The following SYNE1 variants were observed in gnomAD, a reference collection of about 807,000 sequenced individuals.
SYNE1 encodes nesprin-1.
Under a neutral mutation model 1,111.0 loss-of-function variants are expected in SYNE1, and 616 were observed. That is an observed-to-expected ratio of 0.55 (90% CI 0.52 to 0.59). The LOEUF (loss-of-function observed/expected upper bound fraction) is 0.59, where lower values mean the gene tolerates loss of function less well. Among genes scored for constraint, SYNE1 ranks in the 20% least tolerant of loss-of-function variants. The pLI is 0.00. For synonymous variants in SYNE1, 3,855 were observed against 3,825.8 expected, an observed-to-expected ratio of 1.01 and a Z score of -0.28; for missense variants, 10,006 against 10,417.0, an observed-to-expected ratio of 0.96 and a Z score of 1.72.
intron 50 of SYNE1, 145 bp downstream of exon 50, chr6:152,396,630 T>G (rs1452836119): frequency 2.4e-6 from 2 of 834,054 alleles, no homozygotes; most frequent in East Asian, 5.2e-5. Context: ...ATTGCCCTAG[T>G]ATCACCTGTA....
chr6:152,192,176 T>A (rs531666054), intron 127 of SYNE1, among the ~76,000 whole-genome samples: 26 of 152,368 alleles, frequency 1.7e-4, no homozygotes, highest in Admixed American at 4.6e-4. Context: ...ATATAGTCTA[T>A]CCTTGAGAAT....
At chr6:152,444,794 G>A (rs921433654) in intron 29 of SYNE1, among the ~76,000 whole-genome samples, 2 of 151,908 alleles carry the variant, frequency 1.3e-5, no homozygotes, top group Admixed American at 1.3e-4. Context: ...GTCCACTCTC[G>A]TAGCAAGTTT....
At chr6:152,623,788 A>G (rs996041551) in intron 3 of SYNE1, among the ~76,000 whole-genome samples, 1 of 152,136 alleles carries the variant, frequency 6.6e-6, no homozygotes, top group African/African-American at 2.4e-5. Flanking sequence ...GGCATTATAA[A>G]AACATTTCAA....
chr6:152,611,016 A>G (rs745366639), intron 3 of SYNE1, among the ~76,000 whole-genome samples: 2 of 152,336 alleles, frequency 1.3e-5, no homozygotes, highest in Non-Finnish European at 2.9e-5. Context: ...GGAAAGAAAC[A>G]ATCGCTACCA....
chr6:152,162,575 G>A (rs758678132), intron 131 of SYNE1, among the ~76,000 whole-genome samples: 7 of 152,130 alleles, frequency 4.6e-5, no homozygotes, highest in Admixed American at 3.3e-4. Flanking sequence ...CTGGGAAGCC[G>A]GATGCCAACC....
At chr6:152,285,042 A>C (rs1400292683) in intron 95 of SYNE1, among the ~76,000 whole-genome samples, 1 of 152,148 alleles carries the variant, frequency 6.6e-6, no homozygotes, top group Non-Finnish European at 1.5e-5. Flanking sequence ...CCAAAGGTAC[A>C]TCCCTAACCC....
chr6:152,578,308 T>A (rs540899362), intron 3 of SYNE1, among the ~76,000 whole-genome samples: 24 of 152,294 alleles, frequency 1.6e-4, no homozygotes, highest in African/African-American at 5.8e-4. Flanking sequence ...AAACTTCATA[T>A]CCTTGGCCTG....
At chr6:152,454,976 G>T (rs918767534) in intron 24 of SYNE1, among the ~76,000 whole-genome samples, 2 of 152,110 alleles carry the variant, frequency 1.3e-5, no homozygotes, top group Non-Finnish European at 2.9e-5. Context: ...TGATAAACAT[G>T]AAGATGATAA....
intron 4 of SYNE1, among the ~76,000 whole-genome samples, chr6:152,534,266 C>A (rs911860020): frequency 6.6e-6 from 1 of 151,870 alleles, no homozygotes; most frequent in African/African-American, 2.4e-5. Flanking sequence ...TTAATATTAG[C>A]AAAATGTTTA....
Position 152,301,993 on chromosome 6 carries a change from G to C in SYNE1, c.17417C>G (p.Thr5806Arg), listed in dbSNP as rs202039715. 1.2e-6 allele frequency: 2 copies of C among 1,614,232 alleles called. No homozygotes were observed. The highest frequency in any genetic ancestry group is 1.7e-6 in the Non-Finnish European group (2 of 1,180,038). ...ASLNSKCKML[T>R]MKAKHATMLL... ...CATGGTGGCGTGCTTGGCTTTCATCGTCAGCATCTTGCACTTGGAATTCAA... is the reference window on the plus strand; with the variant it reads ...CATGGTGGCGTGCTTGGCTTTCATCCTCAGCATCTTGCACTTGGAATTCAA... Residue 5806 changes from threonine to arginine, a missense_variant, in exon 92 of 146, where the codon ACG becomes AGG. Around this residue, in one of 7 missense-constraint regions of SYNE1, gnomAD observed 4,955 missense variants for 5,017.2 expected, o/e 0.99. Coordinates refer to ENST00000367255, the MANE Select transcript of SYNE1 (RefSeq NM_182961.4).
intron 100 of SYNE1, 79 bp from the exon 101 acceptor site, chr6:152,262,267 A>T: frequency 7.6e-7 from 1 of 1,317,864 alleles, no homozygotes; most frequent in African/African-American, 1.4e-5. Context: ...TGTGTACCAG[A>T]CCTGGCTTCT....
At chr6:152,211,421 C>T (rs2153424140) in intron 124 of SYNE1, 73 bp downstream of exon 124, 1 of 1,291,412 alleles carries the variant, frequency 7.7e-7, no homozygotes, top group Non-Finnish European at 1.1e-6. Flanking sequence ...ATATGCCCTC[C>T]AATCTGCTCA....
At chr6:152,176,327 T>C in intron 130 of SYNE1, 67 bp downstream of exon 130, 1 of 1,602,546 alleles carries the variant, frequency 6.2e-7, no homozygotes, top group Non-Finnish European at 8.5e-7. Context: ...CTTTGGCTGA[T>C]GAAAGGCAGA....
chr6:152,605,790 AT>A (rs2099613217), intron 3 of SYNE1, among the ~76,000 whole-genome samples: 1 of 152,306 alleles, frequency 6.6e-6, no homozygotes, highest in Admixed American at 6.5e-5. Context: ...TATAGCTGTG[AT>A]TAAGGCTTGG....
chr6:152,290,449 C>T (rs750379738), intron 95 of SYNE1, among the ~76,000 whole-genome samples: 1 of 152,032 alleles, frequency 6.6e-6, no homozygotes, highest in South Asian at 2.1e-4. Context: ...TCCAGCTACT[C>T]GGGAGGCTGA....
Position 152,294,019 on chromosome 6 carries a change from G to T in SYNE1, c.17791C>A (p.Pro5931Thr). 1 of 1,614,102 alleles carries T rather than the reference G, an allele frequency of 6.2e-7. No individual in the cohort carries two copies. The highest frequency in any genetic ancestry group is 8.5e-7 in the Non-Finnish European group (1 of 1,180,018). Residue 5931 changes from proline to threonine, a missense_variant, in exon 94 of 146, where the codon CCA becomes ACA. By Grantham distance (38) the Pro-to-Thr change is conservative (BLOSUM62 -1). Around this residue, in one of 7 missense-constraint regions of SYNE1, gnomAD observed 4,955 missense variants for 5,017.2 expected, o/e 0.99. Transcript: ENST00000367255. ...TCACCCAGTTTGGCAGTAGCGGATGGCTCCAATCCCGGTTCATAGAACTCC... is the reference window on the plus strand; with the variant it reads ...TCACCCAGTTTGGCAGTAGCGGATGTCTCCAATCCCGGTTCATAGAACTCC... ...SQEFYEPGLEPSATAKLGDLQ... is the reference protein window; with the variant it reads ...SQEFYEPGLETSATAKLGDLQ...
chr6:152,321,612 G>T, intron 83 of SYNE1, 109 bp downstream of exon 83: 1 of 1,442,208 alleles, frequency 6.9e-7, no homozygotes, highest in East Asian at 2.4e-5. Context: ...ACACACTTCT[G>T]AAATTTTTTA....
In SYNE1 at chr6:152,330,042, G is replaced by A; in HGVS notation, c.14643C>T (p.Ser4881=). The change falls in exon 78 of 146, where the codon AGC becomes AGT. Residue 4881 remains serine, a synonymous_variant. Transcript: ENST00000367255. ...GGAAGTCTATACTCTGCACCATTCG[G>A]CTCTCACATTCTGTCACCGTCTCAC... ...AIGETVTECE[S]RMVQSIDFQT... 6.2e-7 allele frequency: 1 copy of A among 1,614,114 alleles called. No individual in the cohort carries two copies. Among genetic ancestry groups the A allele is most frequent in the South Asian group, 1.1e-5 (1 of 91,076 alleles).
chr6:152,546,156 A>G (rs2099311769), intron 3 of SYNE1: 2 of 152,222 alleles, frequency 1.3e-5, no homozygotes, highest in Non-Finnish European at 2.9e-5. Context: ...TAAAATTACC[A>G]CTAACTTTAT....
Sources: gnomAD v4.1 joint callset for allele counts (sites outside exome capture counted in the v4.1 genomes callset) on GRCh38, gnomAD v4.1.1 for gene constraint, gnomAD v4.1.1 regional missense constraint, MANE v1.5 for transcripts, NCBI Gene and HGNC (gene_info 2026-07-23, HGNC 2026-07-21) for gene names.